ANKFN1: variants seen among roughly 807,000 people sequenced by gnomAD.
The protein encoded by ANKFN1 is ankyrin repeat and fibronectin type-III domain-containing protein 1.
In ANKFN1, 74 loss-of-function variants were observed where a neutral mutation model predicts 108.7. That is an observed-to-expected ratio of 0.68 (90% CI 0.56 to 0.83). The LOEUF (loss-of-function observed/expected upper bound fraction) is 0.83. ANKFN1 is among the 40% of genes least tolerant of loss of function. The pLI, the probability that ANKFN1 is intolerant of heterozygous loss-of-function variation, is 0.00. For synonymous variants in ANKFN1, 547 were observed against 516.2 expected (o/e 1.06, Z -0.81); for missense variants, 1,505 against 1,382.3 (o/e 1.09, Z -1.41).
At chr17:56,111,521 C>CA (rs201360564) in intron 4 of ANKFN1, among the ~76,000 whole-genome samples, 24,145 of 101,478 alleles carry the variant, frequency 0.24, 2,205 homozygotes, top group East Asian at 0.34. Flanking sequence ...TCATAAATGG[C>CA]AAAAAAAAAA....
At chr17:56,489,292 T>C (rs2050953182) in intron 18 of ANKFN1, among the ~76,000 whole-genome samples, 1 of 152,200 alleles carries the variant, frequency 6.6e-6, no homozygotes, top group African/African-American at 2.4e-5. Context: ...CCTTATACCA[T>C]TTTATCCGTA....
At position 56,437,926 on chromosome 17, in the gene ANKFN1, C is replaced by A. The variant is rs1455408052; in HGVS notation, c.911-2401C>A. Among the ~76,000 whole-genome samples the A allele has an allele frequency of 2.7e-5, 4 of 150,732 alleles. No homozygotes were observed. The East Asian group carries it at 7.8e-4, about 29-fold the overall frequency. ...CAAGAAACTAGAAAAGGAGAAGATT[C>A]ACATGAAAGAAAAATATTTTTGTGT... On this transcript the variant is annotated intron_variant, in intron 8 of 20. Transcript: ENST00000682825.
Position 56,120,665 on chromosome 17 carries a change from G to A in ANKFN1, c.288+74340G>A, listed in dbSNP as rs187075142. ...ATACGATGAGTAATTTACCTTGATA[G>A]AGAACTTCCTAGAATGCACTAATTG... On this transcript the variant is annotated intron_variant, in intron 4 of 12. Transcript: ENST00000635860. Among the ~76,000 whole-genome samples, 112 of 152,198 alleles carry A rather than the reference G, an allele frequency of 7.4e-4. 4 individuals carry two copies. The East Asian group carries it at 9.7e-3, about 13-fold the overall frequency.
rs546974603 is a variant in ANKFN1 at position 56,303,205 on chromosome 17, A to G, written c.54-23016A>G. Among the ~76,000 whole-genome samples, 21 of 152,346 alleles carry G rather than the reference A, an allele frequency of 1.4e-4. No homozygotes were observed. The South Asian group carries it at 4.4e-3, about 32-fold the overall frequency. On this transcript the variant is annotated intron_variant, in intron 3 of 20. Coordinates refer to ENST00000682825, the MANE Select transcript of ANKFN1 (RefSeq NM_001370326.1). Reference sequence around the variant, plus strand: ...CCAACAATTCCATTAGACTTGAGGTAAAATCAACACAGTCCAACTCTGAGG... The same window carrying G: ...CCAACAATTCCATTAGACTTGAGGTGAAATCAACACAGTCCAACTCTGAGG...
chr17:56,414,607 G>A (rs751305892), intron 8 of ANKFN1, among the ~76,000 whole-genome samples: 16 of 152,100 alleles, frequency 1.1e-4, no homozygotes, highest in African/African-American at 1.7e-4. Context: ...GAACTGGTTC[G>A]ACATATGCAA....
intron 18 of ANKFN1, among the ~76,000 whole-genome samples, chr17:56,486,202 C>T (rs1018402094): frequency 2.6e-5 from 4 of 152,176 alleles, no homozygotes; most frequent in African/African-American, 9.7e-5. Context: ...ACTTTCTCAC[C>T]TTCTTGGTCC....
chr17:56,126,857 T>C (rs748604906), intron 4 of ANKFN1, among the ~76,000 whole-genome samples: 1 of 152,224 alleles, frequency 6.6e-6, no homozygotes, highest in Non-Finnish European at 1.5e-5. Context: ...TTACTAGATA[T>C]TTAAATTTTT....
intron 8 of ANKFN1, among the ~76,000 whole-genome samples, chr17:56,406,585 T>A (rs1009546390): frequency 6.6e-6 from 1 of 152,198 alleles, no homozygotes; most frequent in Non-Finnish European, 1.5e-5. Context: ...CTCTTTCAGA[T>A]GGGGAATATG....
intron 4 of ANKFN1, among the ~76,000 whole-genome samples, chr17:56,346,341 C>T (rs2046099597): frequency 6.6e-6 from 1 of 152,054 alleles, no homozygotes; most frequent in Admixed American, 6.6e-5. Context: ...CAGCTTTGTT[C>T]TTTTTGCTTA....
intron 4 of ANKFN1, among the ~76,000 whole-genome samples, chr17:56,063,129 C>T (rs938134497): frequency 2.0e-5 from 3 of 152,112 alleles, no homozygotes; most frequent in Admixed American, 6.5e-5. Context: ...TTTTAGGTGA[C>T]GTGGCCTTTC....
At chr17:56,064,846 G>C (rs542591906) in intron 4 of ANKFN1, among the ~76,000 whole-genome samples, 6 of 152,150 alleles carry the variant, frequency 3.9e-5, no homozygotes, top group African/African-American at 1.4e-4. Flanking sequence ...GCTAGGCCCC[G>C]GTGGTGTGGA....
intron 4 of ANKFN1, among the ~76,000 whole-genome samples, chr17:56,127,009 C>T (rs1454354577): frequency 6.6e-6 from 1 of 152,196 alleles, no homozygotes; most frequent in Non-Finnish European, 1.5e-5. Flanking sequence ...GTAGCTATTA[C>T]ATACTCAACT....
At chr17:56,409,158 C>T (rs1314537452) in intron 8 of ANKFN1, among the ~76,000 whole-genome samples, 3 of 152,120 alleles carry the variant, frequency 2.0e-5, no homozygotes, top group African/African-American at 4.8e-5. Flanking sequence ...CTCCTGATCT[C>T]AGGTGATCCA....
intron 4 of ANKFN1, among the ~76,000 whole-genome samples, chr17:56,140,739 G>T (rs149140573): frequency 6.6e-6 from 1 of 152,202 alleles, no homozygotes; most frequent in East Asian, 1.9e-4. Context: ...ACTGGTAATG[G>T]CTATATAACA....
intron 4 of ANKFN1, among the ~76,000 whole-genome samples, chr17:56,137,848 C>T (rs559757557): frequency 1.4e-4 from 22 of 152,206 alleles, no homozygotes; most frequent in African/African-American, 5.3e-4. Context: ...GACTTTAACT[C>T]TACATACATT....
At chr17:56,176,128 G>C (rs1911129848) in intron 1 of ANKFN1, among the ~76,000 whole-genome samples, 1 of 152,072 alleles carries the variant, frequency 6.6e-6, no homozygotes, top group African/African-American at 2.4e-5. Flanking sequence ...CAGCCAGCTT[G>C]GCACCAACTT....
chr17:56,473,613 A>C (rs1051667098), intron 15 of ANKFN1: 1 of 140,508 alleles, frequency 7.1e-6, no homozygotes, highest in Non-Finnish European at 1.5e-5. Context: ...GAGCCACCAC[A>C]CTCCAGCCTA....
intron 3 of ANKFN1, among the ~76,000 whole-genome samples, chr17:56,262,185 T>C (rs2043528993): frequency 6.6e-6 from 1 of 152,162 alleles, no homozygotes; most frequent in Admixed American, 6.5e-5. Flanking sequence ...TAGAGAGGAT[T>C]GAAGGCTCTA....
At chr17:56,440,198 A>G in intron 8 of ANKFN1, 129 bp from the exon 9 acceptor site, 1 of 463,878 alleles carries the variant, frequency 2.2e-6, no homozygotes, top group Non-Finnish European at 3.9e-6. Flanking sequence ...CACCAATATA[A>G]AGAAAGGAGG....
Sources: gnomAD v4.1 joint callset for allele counts (sites outside exome capture counted in the v4.1 genomes callset) on GRCh38, gnomAD v4.1.1 for gene constraint, MANE v1.5 for transcripts, NCBI Gene and HGNC (gene_info 2026-07-23, HGNC 2026-07-21) for gene names.